The following PEX11G variants were observed in gnomAD, a reference collection of about 807,000 sequenced individuals.
PEX11G encodes peroxisomal biogenesis factor 11 gamma, also known as peroxisomal membrane protein 11C.
A neutral mutation model predicts 22.5 loss-of-function variants in PEX11G; 20 were observed. The ratio of observed to expected loss-of-function variants is 0.89; its 90% CI spans 0.62 to 1.29. The LOEUF (loss-of-function observed/expected upper bound fraction) is 1.29. Among genes scored for constraint, PEX11G ranks in the 50% most tolerant of loss-of-function variants. The probability of loss-of-function intolerance (pLI) is 0.00; values close to 1 mark genes in which losing one functional copy is unlikely to be tolerated. For synonymous variants in PEX11G, 141 were observed against 154.5 expected (o/e 0.91, Z 0.65); for missense variants, 347 against 331.3 (o/e 1.05, Z -0.37).
intron 3 of PEX11G, among the ~76,000 whole-genome samples, chr19:7,479,057 C>T (rs1290363369): frequency 6.6e-6 from 1 of 152,214 alleles, no homozygotes; most frequent in Non-Finnish European, 1.5e-5. Flanking sequence ...ATGGGCAGGG[C>T]CTGGTCACAA....
At chr19:7,489,115 A>G (rs925525576), upstream of PEX11G, 19 of 1,318,242 alleles carry the variant, frequency 1.4e-5, no homozygotes, top group African/African-American at 4.7e-5. Context: ...GCGCGGCCGC[A>G]GGCCTTTGTC....
At chr19:7,490,234 G>A (rs1046413204), upstream of PEX11G, among the ~76,000 whole-genome samples, 1 of 151,938 alleles carries the variant, frequency 6.6e-6, no homozygotes, top group African/African-American at 2.4e-5. Flanking sequence ...ATAAGCAGGA[G>A]TTATATAAGC....
At chr19:7,485,788 G>C in intron 2 of PEX11G, 50 bp downstream of exon 2, 1 of 1,459,834 alleles carries the variant, frequency 6.9e-7, no homozygotes, top group Non-Finnish European at 9.2e-7. Context: ...TTTAAAAAAT[G>C]TCCACTCAGG....
chr19:7,488,266 G>T (rs1458726835), intron 1 of PEX11G, among the ~76,000 whole-genome samples: 3 of 152,190 alleles, frequency 2.0e-5, no homozygotes, highest in African/African-American at 7.2e-5. Context: ...AGGCATGGCA[G>T]GGCCCAGGCC....
chr19:7,489,045 C>G (rs1295114117), upstream of PEX11G: 9 of 1,489,826 alleles, frequency 6.0e-6, no homozygotes, highest in East Asian at 2.8e-5. Context: ...CGTCGGCGCG[C>G]CGCGCCAGGG....
chr19:7,493,449 C>G (rs937586293), upstream of PEX11G, among the ~76,000 whole-genome samples: 1 of 152,044 alleles, frequency 6.6e-6, no homozygotes, highest in Admixed American at 6.5e-5. Flanking sequence ...CCCACTTCGG[C>G]CTCCCAAACT....
chr19:7,477,133 G>A lies in PEX11G; in HGVS notation c.*69C>T. On this transcript the variant is annotated 3_prime_UTR_variant, in exon 5 of 5. Transcript: ENST00000221480. ...CCATGAGAGCCCCGGCCCCTGCCCTGGCGGCTTCTGCTTTGCGGGAAGGGC... is the reference window on the plus strand; with the variant it reads ...CCATGAGAGCCCCGGCCCCTGCCCTAGCGGCTTCTGCTTTGCGGGAAGGGC... The A allele has an allele frequency of 7.4e-7, 1 of 1,346,948 alleles. No individual in the cohort carries two copies. The highest frequency in any genetic ancestry group is 1.7e-5 in the South Asian group (1 of 59,860). 83.4% of individuals were successfully genotyped at this position (1,346,948 alleles called of 1,614,324 possible).
At chr19:7,478,919 C>A (rs1977365309) in intron 3 of PEX11G, among the ~76,000 whole-genome samples, 1 of 152,160 alleles carries the variant, frequency 6.6e-6, no homozygotes, top group African/African-American at 2.4e-5. Context: ...AAGGGGCTAC[C>A]CAGTGGGCAG....
chr19:7,485,870 C>CA lies in PEX11G; in HGVS notation c.216dup (p.Val73CysfsTer4). On this transcript the variant is annotated frameshift_variant, in exon 2 of 5. Transcript: ENST00000221480. LOFTEE classifies it high-confidence loss of function. Reference sequence around the variant, plus strand: ...CCCAGGCCATATTGCTTAGTGTAGACAAACATGGCCAGGTCATCAAAGAGT... The same window carrying CA: ...CCCAGGCCATATTGCTTAGTGTAGACAAAACATGGCCAGGTCATCAAAGAGT... 1.9e-6 allele frequency: 3 copies of CA among 1,611,934 alleles called. No homozygotes were observed. In the East Asian group the frequency reaches 6.7e-5, roughly 36 times the overall value.
chr19:7,482,615 C>T (rs1260003291), intron 2 of PEX11G, among the ~76,000 whole-genome samples: 2 of 152,228 alleles, frequency 1.3e-5, no homozygotes, highest in Admixed American at 1.3e-4. Context: ...GTGTCAGAGC[C>T]TTCCTTCCCA....
In PEX11G at chr19:7,488,950, C is replaced by T. The variant is rs2021791330; in HGVS notation, c.60+1G>A. ...CCGGCCCCGGTCCGCCCCTGCCTCA[C>T]CAGGCGGTCCCGGCCCCTGTACGAC... On this transcript the variant is annotated splice_donor_variant, in intron 1 of 4. Transcript: ENST00000221480. LOFTEE classifies it high-confidence loss of function. 1 of 1,552,574 alleles carries T rather than the reference C, an allele frequency of 6.4e-7. No homozygotes were observed. The highest frequency in any genetic ancestry group is 2.4e-5 in the East Asian group (1 of 41,148).
chr19:7,481,813 C>A (rs1350180092), intron 3 of PEX11G, among the ~76,000 whole-genome samples: 1 of 152,178 alleles, frequency 6.6e-6, no homozygotes, highest in East Asian at 1.9e-4. Flanking sequence ...TAAGAAGTTT[C>A]TGTTGCCCAG....
chr19:7,488,875 C>T, intron 1 of PEX11G, 76 bp downstream of exon 1: 1 of 1,480,386 alleles, frequency 6.8e-7, no homozygotes, highest in Non-Finnish European at 9.2e-7. Context: ...ACCCCGTCCC[C>T]TCTCTGGCCC....
In PEX11G at chr19:7,477,371, A is replaced by T. The variant is rs1047603286; in HGVS notation, c.557T>A (p.Leu186His). The T allele has an allele frequency of 6.4e-7, 1 of 1,558,626 alleles. No individual in the cohort carries two copies. The highest frequency in any genetic ancestry group is 1.2e-5 in the South Asian group (1 of 84,468). The change falls in exon 5 of 5, where the codon CTC becomes CAC. Residue 186 changes from leucine to histidine, a missense_variant. Coordinates refer to ENST00000221480, the MANE Select transcript of PEX11G (RefSeq NM_080662.4). ...AQMQSEALSLLSNLADLANAV... is the reference protein window; with the variant it reads ...AQMQSEALSLHSNLADLANAV... ...GTTGGCCAGGTCGGCCAGGTTGCTGAGAAGTGACAGCGCCTCCGACTGCAT... is the reference window on the plus strand; with the variant it reads ...GTTGGCCAGGTCGGCCAGGTTGCTGTGAAGTGACAGCGCCTCCGACTGCAT...
At chr19:7,492,264 T>C (rs1176108203), upstream of PEX11G, among the ~76,000 whole-genome samples, 2 of 152,190 alleles carry the variant, frequency 1.3e-5, no homozygotes, top group Non-Finnish European at 2.9e-5. Context: ...TTTCCCACAG[T>C]AGCAGTACCA....
At chr19:7,486,944 G>T (rs2021687301) in intron 1 of PEX11G, among the ~76,000 whole-genome samples, 1 of 152,062 alleles carries the variant, frequency 6.6e-6, no homozygotes, top group African/African-American at 2.4e-5. Context: ...TTACTTGGGA[G>T]GCTGATGCTG....
At chr19:7,481,149 T>C (rs938942816) in intron 3 of PEX11G, among the ~76,000 whole-genome samples, 8 of 152,166 alleles carry the variant, frequency 5.3e-5, no homozygotes, top group African/African-American at 1.9e-4. Context: ...CCTGAACCTG[T>C]CAACATGTTC....
intron 1 of PEX11G, among the ~76,000 whole-genome samples, chr19:7,494,319 GA>G (rs1490852414): frequency 6.6e-6 from 1 of 152,160 alleles, no homozygotes; most frequent in Non-Finnish European, 1.5e-5. Flanking sequence ...TTGAATCCAG[GA>G]GGTGGAGGTT....
intron 3 of PEX11G, among the ~76,000 whole-genome samples, chr19:7,481,108 A>T (rs1276564160): frequency 6.6e-6 from 1 of 152,180 alleles, no homozygotes; most frequent in Non-Finnish European, 1.5e-5. Context: ...TGTGGTCAGC[A>T]GAGTCATGAC....
Sources: gnomAD v4.1 joint callset for allele counts (sites outside exome capture counted in the v4.1 genomes callset) on GRCh38, gnomAD v4.1.1 for gene constraint, MANE v1.5 for transcripts, NCBI Gene and HGNC (gene_info 2026-07-23, HGNC 2026-07-21) for gene names.